FOLH1: variants seen among roughly 807,000 people sequenced by gnomAD.
FOLH1 encodes folate hydrolase 1, also known as glutamate carboxypeptidase 2.
FOLH1 carries 54 observed loss-of-function variants against 93.9 expected under a neutral mutation model. That is an observed-to-expected ratio of 0.57 (90% CI 0.46 to 0.72). FOLH1 has a LOEUF of 0.72. Among genes scored for constraint, FOLH1 ranks in the 30% least tolerant of loss-of-function variants. The pLI, the probability that FOLH1 is intolerant of heterozygous loss-of-function variation, is 0.00. For missense variants in FOLH1, 571 were observed against 892.5 expected (o/e 0.64, Z 4.59); for synonymous variants, 249 against 303.6 (o/e 0.82, Z 1.87).
At chr11:49,206,668 A>G in intron 1 of FOLH1, 1 of 928,816 alleles carries the variant, frequency 1.1e-6, no homozygotes, top group African/African-American at 1.6e-5. Context: ...TCAGACTTCT[A>G]ATTTGCTCTG....
At chr11:49,202,970 TATGA>T (rs1863445774) in intron 2 of FOLH1, among the ~76,000 whole-genome samples, 1 of 152,244 alleles carries the variant, frequency 6.6e-6, no homozygotes, top group Non-Finnish European at 1.5e-5. Flanking sequence ...GAGAGAGATC[TATGA>T]ATGGATTTTT....
chr11:49,203,560 G>A (rs2135334432), intron 2 of FOLH1, among the ~76,000 whole-genome samples: 1 of 152,262 alleles, frequency 6.6e-6, no homozygotes, highest in Non-Finnish European at 1.5e-5. Context: ...AGTTTAGGAG[G>A]CTTCTGGAGA....
At chr11:49,202,448 C>G (rs1291890449) in intron 2 of FOLH1, among the ~76,000 whole-genome samples, 1 of 151,842 alleles carries the variant, frequency 6.6e-6, no homozygotes, top group African/African-American at 2.4e-5. Context: ...TGTTGCCAGG[C>G]TGGAATACAG....
At chr11:49,154,018 C>T (rs1856741490) in intron 16 of FOLH1, 91 bp from the exon 17 acceptor site, 1 of 1,322,598 alleles carries the variant, frequency 7.6e-7, no homozygotes, top group East Asian at 2.3e-5. Flanking sequence ...AATATAGAAG[C>T]CATCATCTTT....
intron 4 of FOLH1, 154 bp downstream of exon 4, chr11:49,192,639 C>A: frequency 2.2e-6 from 1 of 463,882 alleles, no homozygotes. Flanking sequence ...ATCAATATTC[C>A]TTCTTCTTAC....
At chr11:49,178,609 TTTCTCTTTAGG>T (rs771640794) in intron 7 of FOLH1, among the ~76,000 whole-genome samples, 26 of 152,292 alleles carry the variant, frequency 1.7e-4, no homozygotes, top group South Asian at 8.3e-4. Flanking sequence ...GTTACTGAAA[TTTCTCTTTAGG>T]TTCTCTTTAG....
intron 7 of FOLH1, 50 bp downstream of exon 7, chr11:49,183,099 T>G (rs374791440): frequency 1.3e-4 from 195 of 1,502,274 alleles, no homozygotes; most frequent in Non-Finnish European, 1.7e-4. Flanking sequence ...TTGAAAACTG[T>G]CAATAAGAAA....
At chr11:49,160,719 G>A (rs1026646100) in intron 13 of FOLH1, among the ~76,000 whole-genome samples, 1 of 152,134 alleles carries the variant, frequency 6.6e-6, no homozygotes, top group African/African-American at 2.4e-5. Context: ...TGGGATTACA[G>A]GTGTGAGCCA....
Position 49,208,356 on chromosome 11 carries a change from C to T in FOLH1, c.54G>A (p.Pro18=), listed in dbSNP as rs753000475. The change falls in exon 1 of 19, where the codon CCG becomes CCA. Residue 18 remains proline, a synonymous_variant. Transcript: ENST00000256999. Reference sequence around the variant, plus strand: ...CCAGCGCCCCAGCGCACAGCCAGCGCGGGCGGCGCGCGGTGGCCACAGCCG... The same window carrying T: ...CCAGCGCCCCAGCGCACAGCCAGCGTGGGCGGCGCGCGGTGGCCACAGCCG... The part of the protein sequence containing the change: ...TDSAVATARR[P]RWLCAGALVL... 3.5e-5 allele frequency: 56 copies of T among 1,601,690 alleles called. No individual in the cohort carries two copies. In the Admixed American group the frequency reaches 9.0e-4, roughly 26 times the overall value.
chr11:49,201,713 C>T (rs1269905780), intron 2 of FOLH1, among the ~76,000 whole-genome samples: 1 of 152,174 alleles, frequency 6.6e-6, no homozygotes, highest in African/African-American at 2.4e-5. Context: ...AACAGAAAAA[C>T]AGCCAACATA....
intron 3 of FOLH1, among the ~76,000 whole-genome samples, chr11:49,193,921 A>C (rs1368738301): frequency 6.6e-6 from 1 of 152,104 alleles, no homozygotes; most frequent in African/African-American, 2.4e-5. Context: ...GCACTTTGGG[A>C]GCCCAAGGTG....
intron 7 of FOLH1, among the ~76,000 whole-genome samples, chr11:49,178,191 CTT>C (rs1860326314): frequency 6.6e-6 from 1 of 152,148 alleles, no homozygotes; most frequent in Non-Finnish European, 1.5e-5. Context: ...TTGTCCATGA[CTT>C]ATATAAATCA....
At chr11:49,183,797 C>G (rs1745630651) in intron 6 of FOLH1, among the ~76,000 whole-genome samples, 2 of 151,844 alleles carry the variant, frequency 1.3e-5, no homozygotes, top group African/African-American at 4.8e-5. Flanking sequence ...ACTTGAAGTT[C>G]AAACCCAGGC....
Position 49,160,873 on chromosome 11 carries a change from T to A in FOLH1, c.1441-2830A>T, listed in dbSNP as rs193156037. Among the ~76,000 whole-genome samples, 893 of 152,370 alleles carry A rather than the reference T, an allele frequency of 5.9e-3. 12 individuals are homozygous for A. The highest frequency in any genetic ancestry group is 0.021 in the African/African-American group (854 of 41,578). On this transcript the variant is annotated intron_variant, in intron 13 of 18. Coordinates refer to ENST00000256999, the MANE Select transcript of FOLH1 (RefSeq NM_004476.3). ...TAGTTTCAAAGAACTTCTTGATTCC[T>A]GCTTTTATCTCATTATATACCCACA...
chr11:49,206,123 A>G lies in FOLH1; in HGVS notation c.168T>C (p.His56=), dbSNP rs751451081. 6 of 1,612,590 alleles carry G rather than the reference A, an allele frequency of 3.7e-6. No homozygotes were observed. Among genetic ancestry groups the G allele is most frequent in the African/African-American group, 1.3e-5 (1 of 74,884 alleles). The change falls in exon 2 of 19, where the codon CAT becomes CAC. Residue 56 remains histidine (H), a synonymous_variant. Coordinates refer to ENST00000256999, the MANE Select transcript of FOLH1 (RefSeq NM_004476.3). ...ATTCATCCAAAAATGCTTTCATATT[A>G]TGCTTTGGAGTAATGTTAGTAGCTT... ...SNEATNITPK[H]NMKAFLDELK...
In FOLH1 at chr11:49,176,269, T is replaced by C. The variant is rs1342179152; in HGVS notation, c.921-312A>G. Among the ~76,000 whole-genome samples the C allele has an allele frequency of 2.0e-5, 3 of 152,196 alleles. No individual in the cohort carries two copies. In the East Asian group the frequency reaches 5.8e-4, roughly 29 times the overall value. On this transcript the variant is annotated intron_variant, in intron 7 of 18. Transcript: ENST00000256999. ...TATCTAGTAGTAAATCTAAAAGTGC[T>C]TTCCAGAGCATGTGCTGAAGAAAGA...
At chr11:49,164,025 G>A (rs1565150213) in intron 13 of FOLH1, among the ~76,000 whole-genome samples, 1 of 152,136 alleles carries the variant, frequency 6.6e-6, no homozygotes, top group East Asian at 1.9e-4. Flanking sequence ...TCCTTGATTA[G>A]TCCCAATGTG....
Position 49,167,915 on chromosome 11 carries a change from C to A in FOLH1, c.1372+1280G>T, listed in dbSNP as rs1019007443. On this transcript the variant is annotated intron_variant, in intron 12 of 18. Transcript: ENST00000256999. ...AAGAACAGAAACAAAAAAACACACA[C>A]AAAAAAACCAGAAAAAGAAAATGCC... Among the ~76,000 whole-genome samples the A allele has an allele frequency of 2.8e-4, 15 of 53,700 alleles. No homozygotes were observed. The South Asian group carries it at 3.2e-3, about 12-fold the overall frequency. 35.2% of individuals were successfully genotyped at this position (53,700 alleles called of 152,430 possible).
chr11:49,208,314 G>A lies in FOLH1; in HGVS notation c.96C>T (p.Phe32=). The change falls in exon 1 of 19, where the codon TTC becomes TTT. Residue 32 remains phenylalanine, a synonymous_variant. Coordinates refer to ENST00000256999, the MANE Select transcript of FOLH1 (RefSeq NM_004476.3). ...TACCGAAGAGGAAGCCGAGGAGAAA[G>A]AAGCCACCCGCCAGCACCAGCGCCC... ...CAGALVLAGG[F]FLLGFLFGWF... 6.3e-7 allele frequency: 1 copy of A among 1,577,046 alleles called. No individual in the cohort carries two copies. The highest frequency in any genetic ancestry group is 2.3e-5 in the East Asian group (1 of 43,158).
Sources: gnomAD v4.1 joint callset for allele counts (sites outside exome capture counted in the v4.1 genomes callset) on GRCh38, gnomAD v4.1.1 for gene constraint, MANE v1.5 for transcripts, NCBI Gene and HGNC (gene_info 2026-07-23, HGNC 2026-07-21) for gene names.